CD163: variants seen among roughly 807,000 people sequenced by gnomAD.
CD163 encodes the protein scavenger receptor cysteine-rich type 1 protein M130.
A neutral mutation model predicts 129.2 loss-of-function variants in CD163; 64 were observed. That is an observed-to-expected ratio of 0.50 (90% CI 0.41 to 0.61). The LOEUF is 0.61. CD163 is among the 20% of genes least tolerant of loss of function. The pLI, the probability that CD163 is intolerant of heterozygous loss-of-function variation, is 0.00. For synonymous variants in CD163, 446 were observed against 478.5 expected (o/e 0.93, Z 0.89); for missense variants, 1,061 against 1,377.9 (o/e 0.77, Z 3.64).
intron 4 of CD163, 54 bp downstream of exon 4, chr12:7,498,814 C>T (rs901715386): frequency 1.4e-6 from 2 of 1,478,120 alleles, no homozygotes; most frequent in Non-Finnish European, 1.8e-6. Context: ...AGATTTATTA[C>T]CCCTTTCTTT....
intron 15 of CD163, chr12:7,480,919 T>C: frequency 8.6e-7 from 1 of 1,158,738 alleles, no homozygotes; most frequent in Non-Finnish European, 1.1e-6. Context: ...TTCCTCTGCA[T>C]GGTTCTTTCC....
At chr12:7,484,864 T>C (rs754787332) in intron 11 of CD163, among the ~76,000 whole-genome samples, 2 of 152,198 alleles carry the variant, frequency 1.3e-5, no homozygotes, top group Non-Finnish European at 2.9e-5. Context: ...GGGAGTATGA[T>C]ATTCTTTAGA....
chr12:7,498,277 G>C (rs534830834), intron 4 of CD163, among the ~76,000 whole-genome samples: 1 of 152,034 alleles, frequency 6.6e-6, no homozygotes, highest in Non-Finnish European at 1.5e-5. Context: ...ACAGAAAAAC[G>C]AAGAGTGGTA....
intron 6 of CD163, among the ~76,000 whole-genome samples, chr12:7,489,580 G>A (rs1160393984): frequency 6.6e-6 from 1 of 152,010 alleles, no homozygotes; most frequent in Non-Finnish European, 1.5e-5. Flanking sequence ...GGCATTTGAT[G>A]ATGGGTGGGT....
chr12:7,486,449 T>G (rs756869848), intron 10 of CD163, 50 bp downstream of exon 10: 6 of 1,524,324 alleles, frequency 3.9e-6, no homozygotes, highest in Non-Finnish European at 5.4e-6. Flanking sequence ...CTACCCTTCC[T>G]CAGTCCTTTC....
chr12:7,502,385 A>C (rs1446331667), intron 2 of CD163, 93 bp downstream of exon 2: 12 of 789,722 alleles, frequency 1.5e-5, no homozygotes, highest in Non-Finnish European at 2.7e-5. Context: ...CCTAGTTTTT[A>C]GATGCTACTT....
chr12:7,500,534 C>T (rs938510544), intron 3 of CD163, among the ~76,000 whole-genome samples: 3 of 151,382 alleles, frequency 2.0e-5, no homozygotes, highest in Non-Finnish European at 2.9e-5. Flanking sequence ...AGGCCTGACA[C>T]ATGACTTTCT....
intron 16 of CD163, among the ~76,000 whole-genome samples, chr12:7,472,090 G>T (rs1304841195): frequency 2.0e-5 from 3 of 152,216 alleles, no homozygotes; most frequent in African/African-American, 4.8e-5. Context: ...ATCTCCCTGG[G>T]ACAGAGCACC....
At chr12:7,475,779 G>A (rs1469927718) in intron 16 of CD163, among the ~76,000 whole-genome samples, 2 of 151,756 alleles carry the variant, frequency 1.3e-5, no homozygotes, top group African/African-American at 4.8e-5. Context: ...TATTCAAACA[G>A]GAATAGGAAC....
At chr12:7,480,074 AAAC>A in intron 15 of CD163, 161 bp from the exon 16 acceptor site, 1 of 1,342,700 alleles carries the variant, frequency 7.4e-7, no homozygotes, top group Non-Finnish European at 1.0e-6. Context: ...GAGCAACTAA[AAAC>A]ACCACCCATA....
At chr12:7,474,898 C>T (rs1339151412) in intron 16 of CD163, among the ~76,000 whole-genome samples, 4 of 151,898 alleles carry the variant, frequency 2.6e-5, no homozygotes, top group African/African-American at 9.7e-5. Flanking sequence ...GGGGATATCA[C>T]CGCTGATCCC....
chr12:7,494,849 C>A (rs1949377510), intron 6 of CD163, among the ~76,000 whole-genome samples: 1 of 152,162 alleles, frequency 6.6e-6, no homozygotes, highest in Admixed American at 6.5e-5. Context: ...TAATCTTATA[C>A]CTCTATTGAT....
intron 3 of CD163, among the ~76,000 whole-genome samples, chr12:7,499,655 G>A (rs964981459): frequency 6.6e-6 from 1 of 152,112 alleles, no homozygotes; most frequent in Non-Finnish European, 1.5e-5. Flanking sequence ...TCTATACACA[G>A]CAATAATTAT....
chr12:7,480,032 A>G (rs781119514), intron 15 of CD163, 119 bp from the exon 16 acceptor site: 1 of 1,592,822 alleles, frequency 6.3e-7, no homozygotes, highest in Non-Finnish European at 8.5e-7. Context: ...GAAATAAACC[A>G]GACCTCTTCT....
chr12:7,473,487 G>A (rs1057438529), intron 16 of CD163, among the ~76,000 whole-genome samples: 2 of 152,138 alleles, frequency 1.3e-5, no homozygotes, highest in African/African-American at 2.4e-5. Context: ...CTTCATGAGT[G>A]AAGGATAAAT....
chr12:7,483,775 ACTATTT>A, intron 11 of CD163, 100 bp from the exon 12 acceptor site: 12 of 503,110 alleles, frequency 2.4e-5, no homozygotes, highest in Non-Finnish European at 3.4e-5. Flanking sequence ...AAAAAAAAAA[ACTATTT>A]AAAATTTTAC....
At chr12:7,488,702 C>T (rs1215161334) in intron 6 of CD163, among the ~76,000 whole-genome samples, 2 of 152,196 alleles carry the variant, frequency 1.3e-5, no homozygotes, top group Non-Finnish European at 2.9e-5. Flanking sequence ...CATGTCTCAA[C>T]TGCTAATAAA....
Position 7,501,338 on chromosome 12 carries a change from A to G in CD163, c.258T>C (p.Ser86=). The G allele has an allele frequency of 6.2e-7, 1 of 1,614,150 alleles. No homozygotes were observed. The highest frequency in any genetic ancestry group is 8.5e-7 in the Non-Finnish European group (1 of 1,180,018). Residue 86 remains serine, a synonymous_variant, in exon 3 of 17, where the codon TCT becomes TCC. Transcript: ENST00000432237. The part of the protein sequence containing the change: ...CNNGWSMEAV[S]VICNQLGCPT... The stretch of plus-strand genomic sequence containing the variant: ...GACATCCCAGCTGGTTACAAATCAC[A>G]GAGACCGCTTCCATGCTCCAGCCAT...
At position 7,498,885 on chromosome 12, in the gene CD163, G is replaced by C. The variant is rs1217466495; in HGVS notation, c.761C>G (p.Ala254Gly). ...GKHNCDHAED[A>G]GVICSKGADL... ...GTCCTTACTTGAGCAAATCACTCCA[G>C]CATCCTCAGCATGATCACAGTTATG... Residue 254 changes from alanine to glycine, a missense_variant, in exon 4 of 17, where the codon GCT becomes GGT. Coordinates refer to ENST00000432237, the MANE Select transcript of CD163 (RefSeq NM_203416.4). 6.2e-7 allele frequency: 1 copy of C among 1,613,722 alleles called. No homozygotes were observed. The highest frequency in any genetic ancestry group is 1.3e-5 in the African/African-American group (1 of 74,914).
Sources: gnomAD v4.1 joint callset for allele counts (sites outside exome capture counted in the v4.1 genomes callset) on GRCh38, gnomAD v4.1.1 for gene constraint, MANE v1.5 for transcripts, NCBI Gene and HGNC (gene_info 2026-07-23, HGNC 2026-07-21) for gene names.